The following ELP4 variants were observed in gnomAD, a reference collection of about 807,000 sequenced individuals.
ELP4 encodes elongator complex protein 4.
In ELP4, 51 loss-of-function variants were observed where a neutral mutation model predicts 48.9. The ratio of observed to expected loss-of-function variants is 1.04; its 90% confidence interval spans 0.83 to 1.32. The LOEUF is 1.32. Ranked by LOEUF, ELP4 falls within the 40% of genes most tolerant of loss-of-function variation. ELP4 has a pLI of 0.00. For missense variants in ELP4, 519 were observed against 514.6 expected (o/e 1.01, Z -0.08); for synonymous variants, 210 against 189.2 (o/e 1.11, Z -0.90).
At chr11:31,511,693 C>T (rs1021418812) in intron 1 of ELP4, 2 of 152,120 alleles carry the variant, frequency 1.3e-5, no homozygotes, top group Non-Finnish European at 2.9e-5. Flanking sequence ...CGTATTCTTT[C>T]CAGGGGTTTT....
rs67986763 is a variant in ELP4 at position 31,623,390 on chromosome 11, T to TATATATATATATATATATAA, written c.654-3719_654-3718insTATATATATATATATATAAA. Among the ~76,000 whole-genome samples, 219 of 92,552 alleles carry TATATATATATATATATATAA rather than the reference T, an allele frequency of 2.4e-3. 9 individuals carry two copies. The highest frequency in any genetic ancestry group is 8.6e-3 in the Middle Eastern group (1 of 116). 60.7% of individuals were successfully genotyped at this position (92,552 alleles called of 152,430 possible). On this transcript the variant is annotated intron_variant, in intron 5 of 9. Transcript: ENST00000640961. ...ATATATATATATATATATATATATA[T>TATATATATATATATATATAA]AAAACTAGAAACATTGCTGGCAAAG...
At chr11:31,697,955 G>T (rs1325196857) in intron 9 of ELP4, among the ~76,000 whole-genome samples, 1 of 85,330 alleles carries the variant, frequency 1.2e-5, no homozygotes, top group African/African-American at 2.8e-5. Flanking sequence ...ATCAGAAAAT[G>T]CTTTTTTTTT....
intron 3 of ELP4, among the ~76,000 whole-genome samples, chr11:31,591,423 G>GA (rs1491488346): frequency 8.4e-3 from 96 of 11,400 alleles, no homozygotes; most frequent in African/African-American, 0.024. Context: ...AAAAAAAAAA[G>GA]GGGGGGGGGG....
At chr11:31,763,637 T>C (rs776228132) in intron 9 of ELP4, 606 of 1,354,312 alleles carry the variant, frequency 4.5e-4, no homozygotes, top group Non-Finnish European at 5.8e-4. Flanking sequence ...GATGATAGTT[T>C]AAGGTGTTCA....
At chr11:31,630,335 C>A (rs1041799325) in intron 6 of ELP4, among the ~76,000 whole-genome samples, 1 of 139,148 alleles carries the variant, frequency 7.2e-6, no homozygotes, top group Non-Finnish European at 1.6e-5. Flanking sequence ...CTCTCCTTTT[C>A]ATTTTTTTTT....
At chr11:31,711,773 A>G (rs1946747566) in intron 9 of ELP4, among the ~76,000 whole-genome samples, 1 of 152,030 alleles carries the variant, frequency 6.6e-6, no homozygotes, top group Non-Finnish European at 1.5e-5. Context: ...TAGTCTTTTT[A>G]TTATTTTCCT....
intron 3 of ELP4, among the ~76,000 whole-genome samples, chr11:31,559,922 G>C (rs1246574980): frequency 3.4e-5 from 4 of 117,964 alleles, no homozygotes; most frequent in African/African-American, 1.3e-4. Flanking sequence ...AAAAAAAAAA[G>C]GCAAATCAGT....
intron 9 of ELP4, among the ~76,000 whole-genome samples, chr11:31,700,120 A>G (rs975626815): frequency 6.6e-6 from 1 of 151,972 alleles, no homozygotes; most frequent in Non-Finnish European, 1.5e-5. Context: ...GAAGTACTGG[A>G]GTATTTAGGG....
intron 3 of ELP4, among the ~76,000 whole-genome samples, chr11:31,589,908 ATTTG>A (rs760823901): frequency 6.6e-6 from 1 of 151,982 alleles, no homozygotes; most frequent in Admixed American, 6.6e-5. Context: ...CCTATTATTT[ATTTG>A]TTTGTTTATT....
At chr11:31,725,461 C>G (rs976641160) in intron 9 of ELP4, among the ~76,000 whole-genome samples, 3 of 152,196 alleles carry the variant, frequency 2.0e-5, no homozygotes, top group Admixed American at 6.5e-5. Context: ...TCTCTCTGCC[C>G]TGCCATTTCT....
chr11:31,591,771 A>G (rs1274451773), intron 3 of ELP4, among the ~76,000 whole-genome samples: 1 of 152,182 alleles, frequency 6.6e-6, no homozygotes, highest in East Asian at 1.9e-4. Context: ...TACCAAAGAC[A>G]GTGGAAAACA....
intron 9 of ELP4, among the ~76,000 whole-genome samples, chr11:31,764,548 G>T (rs949635293): frequency 6.6e-6 from 1 of 152,118 alleles, no homozygotes; most frequent in African/African-American, 2.4e-5. Flanking sequence ...TCACCTTCTG[G>T]TGCGGCCATC....
At chr11:31,705,532 T>C (rs762639925) in intron 9 of ELP4, among the ~76,000 whole-genome samples, 2 of 152,210 alleles carry the variant, frequency 1.3e-5, no homozygotes, top group Non-Finnish European at 2.9e-5. Flanking sequence ...ACTACTGCTT[T>C]ATACACTTAA....
chr11:31,520,956 G>A (rs1229643080), intron 2 of ELP4, among the ~76,000 whole-genome samples: 1 of 151,912 alleles, frequency 6.6e-6, no homozygotes, highest in Admixed American at 6.6e-5. Context: ...AATATGACCT[G>A]AAATCACCAT....
intron 9 of ELP4, among the ~76,000 whole-genome samples, chr11:31,690,421 C>T (rs1946252705): frequency 6.6e-6 from 1 of 151,308 alleles, no homozygotes. Context: ...CTTCTTTTTC[C>T]TAAAAAAAAA....
At chr11:31,581,752 CTT>C (rs111876394) in intron 3 of ELP4, among the ~76,000 whole-genome samples, 58 of 140,162 alleles carry the variant, frequency 4.1e-4, no homozygotes, top group East Asian at 1.4e-3. Flanking sequence ...CATGTTCTGT[CTT>C]TTTTTTTTTT....
chr11:31,706,878 C>A, intron 9 of ELP4: 1 of 394,180 alleles, frequency 2.5e-6, no homozygotes. Flanking sequence ...ATAATGTCCT[C>A]CAGTTCCATC....
At chr11:31,668,313 G>A (rs1945722765) in intron 9 of ELP4, among the ~76,000 whole-genome samples, 1 of 151,996 alleles carries the variant, frequency 6.6e-6, no homozygotes, top group African/African-American at 2.4e-5. Flanking sequence ...CAATTATCCT[G>A]AAAAATGCCT....
At chr11:31,756,981 T>C (rs1947847552) in intron 9 of ELP4, among the ~76,000 whole-genome samples, 2 of 152,216 alleles carry the variant, frequency 1.3e-5, no homozygotes, top group South Asian at 4.1e-4. Context: ...GAATCTGATA[T>C]AATGTCTAGA....
Sources: allele counts gnomAD v4.1 joint callset (sites outside exome capture counted in the v4.1 genomes callset), GRCh38; gene constraint gnomAD v4.1.1; transcripts MANE v1.5; gene names NCBI Gene and HGNC (gene_info 2026-07-23, HGNC 2026-07-21).